Variants in ZNF217 observed in about 807,000 individuals in gnomAD.
The protein encoded by ZNF217 is zinc finger protein 217.
A neutral mutation model predicts 73.3 loss-of-function variants in ZNF217; 12 were observed. The ratio of observed to expected loss-of-function variants is 0.16; its 90% CI spans 0.10 to 0.27. The LOEUF is 0.27. Among genes scored for constraint, ZNF217 ranks in the 10% least tolerant of loss-of-function variants. The probability of loss-of-function intolerance (pLI) is 1.00; values close to 1 mark genes in which losing one functional copy is unlikely to be tolerated. For synonymous variants in ZNF217, 588 were observed against 516.4 expected, an observed-to-expected ratio of 1.14 and a Z score of -1.88; for missense variants, 1,195 against 1,327.8, an observed-to-expected ratio of 0.90 and a Z score of 1.55.
chr20:53,585,237 G>A (rs1006614171), intron 1 of ZNF217, among the ~76,000 whole-genome samples: 2 of 151,846 alleles, frequency 1.3e-5, no homozygotes, highest in African/African-American at 4.8e-5. Flanking sequence ...TAGAAAAAGA[G>A]ACACCAGCTC....
At chr20:53,577,437 T>A (rs545348578) in intron 3 of ZNF217, among the ~76,000 whole-genome samples, 157 bp from the exon 4 acceptor site, 1 of 152,380 alleles carries the variant, frequency 6.6e-6, no homozygotes, top group East Asian at 1.9e-4. Flanking sequence ...ATCCTTACTG[T>A]AATGAATATT....
upstream of ZNF217, among the ~76,000 whole-genome samples, chr20:53,597,479 G>C (rs994068810): frequency 2.6e-5 from 4 of 152,060 alleles, no homozygotes; most frequent in Non-Finnish European, 5.9e-5. Context: ...CAAGTAAGTA[G>C]GAATAACAAA....
At chr20:53,596,329 A>G (rs113853133), upstream of ZNF217, among the ~76,000 whole-genome samples, 739 of 152,222 alleles carry the variant, frequency 4.9e-3, 8 homozygotes, top group African/African-American at 0.017. Flanking sequence ...TAAGAGTTTT[A>G]TTTATATGTG....
chr20:53,576,483 G>A lies in ZNF217; in HGVS notation c.2281C>T (p.Leu761=). 6.2e-7 allele frequency: 1 copy of A among 1,614,238 alleles called. No homozygotes were observed. Among genetic ancestry groups the A allele is most frequent in the Non-Finnish European group, 8.5e-7 (1 of 1,180,044 alleles). Residue 761 remains leucine, a synonymous_variant, in exon 4 of 6, where the codon CTG becomes TTG. Coordinates refer to ENST00000371471, the MANE Select transcript of ZNF217 (RefSeq NM_006526.3). ...SRRTGCPPAL[L]GKDVPPLSSF... ...GAGAGGGGAGGCACATCTTTTCCCAGCAACGCTGGCGGGCATCCGGTACGT... is the reference window on the plus strand; with the variant it reads ...GAGAGGGGAGGCACATCTTTTCCCAACAACGCTGGCGGGCATCCGGTACGT...
At chr20:53,573,833 G>A (rs1988123289) in intron 4 of ZNF217, among the ~76,000 whole-genome samples, 1 of 152,204 alleles carries the variant, frequency 6.6e-6, no homozygotes, top group Admixed American at 6.5e-5. Flanking sequence ...CGCTTTGTGA[G>A]GCCAAGACAG....
At chr20:53,593,023 T>G (rs959021270) in intron 1 of ZNF217, among the ~76,000 whole-genome samples, 3 of 151,512 alleles carry the variant, frequency 2.0e-5, no homozygotes, top group African/African-American at 7.3e-5. Context: ...TCTTTAAAAT[T>G]AGAGGAGGGA....
intron 1 of ZNF217, among the ~76,000 whole-genome samples, chr20:53,585,262 T>C (rs1988655556): frequency 6.6e-6 from 1 of 152,088 alleles, no homozygotes; most frequent in Non-Finnish European, 1.5e-5. Flanking sequence ...GTCTCGGGAT[T>C]AGAAATATGA....
chr20:53,577,326 C>G (rs1250464022), intron 3 of ZNF217, 46 bp from the exon 4 acceptor site: 13 of 1,501,366 alleles, frequency 8.7e-6, no homozygotes, highest in Non-Finnish European at 1.2e-5. Context: ...ATGAAAAGCA[C>G]TGAAATAGAT....
intron 1 of ZNF217, among the ~76,000 whole-genome samples, chr20:53,593,503 G>A (rs1206612944): frequency 6.7e-6 from 1 of 148,734 alleles, no homozygotes; most frequent in Non-Finnish European, 1.5e-5. Flanking sequence ...CCTCTGAATC[G>A]TGCGGCGTGA....
chr20:53,594,112 G>A (rs1374774489), upstream of ZNF217, among the ~76,000 whole-genome samples: 2 of 150,550 alleles, frequency 1.3e-5, no homozygotes, highest in East Asian at 2.0e-4. Flanking sequence ...CTCACCTCGG[G>A]CGCGGGGCTA....
chr20:53,596,741 A>G (rs1055467409), upstream of ZNF217, among the ~76,000 whole-genome samples: 2 of 152,108 alleles, frequency 1.3e-5, no homozygotes, highest in African/African-American at 4.8e-5. Flanking sequence ...CAGCTTCGCC[A>G]TCACTCCCTG....
In ZNF217 at chr20:53,581,541, T is replaced by C. The variant is rs772020690; in HGVS notation, c.1286A>G (p.Asp429Gly). 3.1e-6 allele frequency: 5 copies of C among 1,614,150 alleles called. No individual in the cohort carries two copies. Among genetic ancestry groups the C allele is most frequent in the South Asian group, 2.2e-5 (2 of 91,082 alleles). The change falls in exon 2 of 6, where the codon GAT (aspartate) becomes GGT (glycine). Residue 429 changes from aspartate to glycine, a missense_variant. By Grantham distance (94) the Asp-to-Gly change is moderately conservative. Transcript: ENST00000371471. The surrounding 1 kb of genome is among the most constrained non-coding windows in gnomAD (Gnocchi z 4.9). ...CCCTCGATCCACGGCTCCATTTTCA[T>C]CCAGAGGGGCGGCGAGGTCAGGAGA... Reference protein sequence around the residue: ...TCSPDLAAPLDENGAVDRGEG... With the variant: ...TCSPDLAAPLGENGAVDRGEG...
At chr20:53,588,875 G>C (rs1894232245) in intron 1 of ZNF217, among the ~76,000 whole-genome samples, 1 of 152,124 alleles carries the variant, frequency 6.6e-6, no homozygotes, top group Non-Finnish European at 1.5e-5. Flanking sequence ...AAATCAAGGG[G>C]AAAAGTCTCC....
In ZNF217 at chr20:53,582,053, C is replaced by T; in HGVS notation, c.774G>A (p.Met258Ile). 6.2e-7 allele frequency: 1 copy of T among 1,614,246 alleles called. No homozygotes were observed. Among genetic ancestry groups the T allele is most frequent in the Non-Finnish European group, 8.5e-7 (1 of 1,180,048 alleles). Residue 258 changes from methionine (M) to isoleucine (I), a missense_variant, in exon 2 of 6, where the codon ATG (methionine) becomes ATA (isoleucine). This residue lies in a region of ZNF217 where 126 missense variants were observed against 114.4 expected (regional missense o/e 1.10). Coordinates refer to ENST00000371471, the MANE Select transcript of ZNF217 (RefSeq NM_006526.3). This position sits in a 1 kb window ranked among gnomAD's most constrained non-coding sequence, Gnocchi z 4.8. ...SAQTDSPQGGMPSSREDFLQL... is the reference protein window; with the variant it reads ...SAQTDSPQGGIPSSREDFLQL... ...GCAGGAAGTCCTCCCTCGAGGACGG[C>T]ATTCCTCCTTGTGGAGAGTCTGTCT...
chr20:53,585,308 C>T (rs2145967805), intron 1 of ZNF217, among the ~76,000 whole-genome samples: 1 of 152,140 alleles, frequency 6.6e-6, no homozygotes, highest in South Asian at 2.1e-4. Flanking sequence ...ACCTATACTC[C>T]CAATGCTTTG....
chr20:53,594,899 C>T (rs1312424846), upstream of ZNF217, among the ~76,000 whole-genome samples: 2 of 151,928 alleles, frequency 1.3e-5, no homozygotes, highest in Non-Finnish European at 2.9e-5. Flanking sequence ...CTTCAGAAAG[C>T]TATTTAATTG....
chr20:53,584,983 T>TA (rs1988638189), intron 1 of ZNF217, among the ~76,000 whole-genome samples: 2 of 147,660 alleles, frequency 1.4e-5, no homozygotes, highest in African/African-American at 5.0e-5. Flanking sequence ...TTTTAGATGC[T>TA]AAAATACGCT....
Position 53,582,617 on chromosome 20 carries a change from G to A in ZNF217, c.210C>T (p.Cys70=). 2 of 1,614,186 alleles carry A rather than the reference G, an allele frequency of 1.2e-6. No individual in the cohort carries two copies. Among genetic ancestry groups the A allele is most frequent in the Non-Finnish European group, 1.7e-6 (2 of 1,180,026 alleles). Residue 70 remains cysteine (C), a synonymous_variant, in exon 2 of 6, where the codon TGC becomes TGT. Coordinates refer to ENST00000371471, the MANE Select transcript of ZNF217 (RefSeq NM_006526.3). The surrounding 1 kb of genome is among the most constrained non-coding windows in gnomAD (Gnocchi z 4.8). The part of the protein sequence containing the change: ...EGYMPLDCMF[C]SQTFTHSEDL... ...CTTCTGAATGTGTGAAGGTCTGGCT[G>A]CAGAACATGCAATCCAAGGGCATAT... is the stretch of plus-strand genomic sequence containing the variant.
chr20:53,571,754 T>C lies in ZNF217; in HGVS notation c.3137A>G (p.Lys1046Arg). ...CCCCTAATTAGTGAATCAAGTTTTT[T>C]TGTCATTTGGTCGATAATGTGCATT... ...IGNAHYRPND[K>R]KT is the part of the protein sequence containing the mutation. Residue 1046 changes from lysine (K) to arginine (R), a missense_variant, in exon 5 of 6, where the codon AAA becomes AGA. Lys to Arg is a conservative substitution (Grantham distance 26, BLOSUM62 2). Around this residue, in one of 9 missense-constraint regions of ZNF217, gnomAD observed 649 missense variants for 642.8 expected, o/e 1.01. Coordinates refer to ENST00000371471, the MANE Select transcript of ZNF217 (RefSeq NM_006526.3). The C allele has an allele frequency of 6.2e-7, 1 of 1,609,822 alleles. No homozygotes were observed. The highest frequency in any genetic ancestry group is 1.3e-5 in the African/African-American group (1 of 74,634).
Sources: allele counts gnomAD v4.1 joint callset (sites outside exome capture counted in the v4.1 genomes callset), GRCh38; gene constraint gnomAD v4.1.1; regional missense constraint gnomAD v4.1.1; non-coding constraint Gnocchi (gnomAD v3.1); transcripts MANE v1.5; gene names NCBI Gene and HGNC (gene_info 2026-07-23, HGNC 2026-07-21).